Variants in SV2C observed in about 807,000 individuals in gnomAD.
SV2C encodes synaptic vesicle glycoprotein 2C, also known as solute carrier family 22 member B3.
A neutral mutation model predicts 79.7 loss-of-function variants in SV2C; 49 were observed. The observed-to-expected ratio is 0.61, with a 90% CI of 0.49 to 0.78. The LOEUF is 0.78. SV2C is among the 30% of genes least tolerant of loss of function. SV2C has a pLI of 0.00. For missense variants in SV2C, 833 were observed against 912.9 expected (o/e 0.91, Z 1.13); for synonymous variants, 334 against 333.2 (o/e 1.00, Z -0.03).
chr5:76,018,565 C>T, the SV2C span, among the ~76,000 whole-genome samples: 10 of 152,086 alleles, frequency 6.6e-5, no homozygotes, highest in Non-Finnish European at 1.0e-4. Context: ...AATTTTTAAA[C>T]CCAAATTTTA....
the SV2C span, among the ~76,000 whole-genome samples, chr5:75,876,497 A>G: frequency 7.2e-5 from 11 of 152,112 alleles, no homozygotes; most frequent in Non-Finnish European, 1.5e-5. Flanking sequence ...ATGATGAAAT[A>G]ATATGTATAA....
chr5:76,124,861 G>T (rs534160372), intron 1 of SV2C, among the ~76,000 whole-genome samples: 1 of 152,132 alleles, frequency 6.6e-6, no homozygotes, highest in Non-Finnish European at 1.5e-5. Context: ...AGCATGCTTT[G>T]GTTTTGTAAT....
intron 12 of SV2C, among the ~76,000 whole-genome samples, chr5:76,345,309 A>G (rs914408964): frequency 5.3e-5 from 8 of 152,214 alleles, no homozygotes; most frequent in African/African-American, 1.9e-4. Context: ...CTTATTCAAT[A>G]ATATTATTGA....
intron 3 of SV2C, among the ~76,000 whole-genome samples, chr5:76,202,477 A>T (rs2112341932): frequency 6.6e-6 from 1 of 152,328 alleles, no homozygotes; most frequent in African/African-American, 2.4e-5. Context: ...CATAACCATC[A>T]GGCTGTGCTG....
the SV2C span, among the ~76,000 whole-genome samples, chr5:75,996,068 A>G: frequency 6.6e-6 from 1 of 152,130 alleles, no homozygotes; most frequent in African/African-American, 2.4e-5. Context: ...TCTCCCCCAC[A>G]TTATCAAAGA....
the SV2C span, among the ~76,000 whole-genome samples, chr5:76,058,865 C>T: frequency 6.6e-6 from 1 of 151,968 alleles, no homozygotes; most frequent in African/African-American, 2.4e-5. Flanking sequence ...CAATACTTTA[C>T]TATGATCTTT....
chr5:76,053,118 A>AAAG, the SV2C span, among the ~76,000 whole-genome samples: 1 of 151,512 alleles, frequency 6.6e-6, no homozygotes, highest in African/African-American at 2.4e-5. Flanking sequence ...GGGCCAAAAA[A>AAAG]AAAAAAAGAG....
the SV2C span, among the ~76,000 whole-genome samples, chr5:75,938,571 T>G: frequency 7.2e-5 from 11 of 152,252 alleles, no homozygotes; most frequent in African/African-American, 2.4e-4. Context: ...ATGATTTCAT[T>G]TATATAAAGT....
the SV2C span, among the ~76,000 whole-genome samples, chr5:75,868,876 G>C: frequency 6.6e-6 from 1 of 152,248 alleles, no homozygotes; most frequent in East Asian, 1.9e-4. Context: ...AGCTTTCCCT[G>C]GTTCCCTGAC....
the SV2C span, among the ~76,000 whole-genome samples, chr5:76,032,380 A>G: frequency 6.6e-6 from 1 of 152,124 alleles, no homozygotes; most frequent in Non-Finnish European, 1.5e-5. Flanking sequence ...TATATCTCCC[A>G]ATGCTATCCC....
intron 4 of SV2C, among the ~76,000 whole-genome samples, chr5:76,245,078 A>T (rs1745903781): frequency 6.6e-6 from 1 of 152,164 alleles, no homozygotes; most frequent in Non-Finnish European, 1.5e-5. Flanking sequence ...AGTTCCCCTC[A>T]AGTGTAAGAT....
At chr5:76,142,968 A>G (rs566943214) in intron 2 of SV2C, among the ~76,000 whole-genome samples, 4 of 145,194 alleles carry the variant, frequency 2.8e-5, no homozygotes, top group Middle Eastern at 3.8e-3. Context: ...ATCTCGGCTC[A>G]CTACTGCAAC....
chr5:75,871,926 G>A, the SV2C span, among the ~76,000 whole-genome samples: 562 of 146,714 alleles, frequency 3.8e-3, 6 homozygotes, highest in African/African-American at 0.013. Context: ...CAATGTGCAG[G>A]TTAGTTACAT....
At chr5:76,226,965 G>C (rs77787863) in intron 4 of SV2C, among the ~76,000 whole-genome samples, 53,005 of 151,506 alleles carry the variant, frequency 0.35, 9,505 homozygotes, top group African/African-American at 0.41. Flanking sequence ...GAGTTCCAGG[G>C]ACCAGAGAGA....
the SV2C span, among the ~76,000 whole-genome samples, chr5:76,043,611 A>G: frequency 6.6e-6 from 1 of 152,186 alleles, no homozygotes; most frequent in African/African-American, 2.4e-5. Flanking sequence ...AAGTTAATGC[A>G]TATTTTGTTT....
intron 4 of SV2C, among the ~76,000 whole-genome samples, chr5:76,231,551 A>G (rs1440576376): frequency 6.7e-6 from 1 of 148,456 alleles, no homozygotes; most frequent in Non-Finnish European, 1.5e-5. Flanking sequence ...CTCGTCATCT[A>G]GCATTAGGTA....
At chr5:76,215,529 A>G (rs1193699210) in intron 4 of SV2C, among the ~76,000 whole-genome samples, 1 of 152,244 alleles carries the variant, frequency 6.6e-6, no homozygotes, top group Admixed American at 6.5e-5. Context: ...CTAAAAGTCT[A>G]TCCACTTTCC....
chr5:76,315,374 T>C (rs1296400508), intron 12 of SV2C, among the ~76,000 whole-genome samples: 1 of 152,188 alleles, frequency 6.6e-6, no homozygotes, highest in Non-Finnish European at 1.5e-5. Context: ...ATGACCCAAC[T>C]AATTTCCATT....
the SV2C span, among the ~76,000 whole-genome samples, chr5:76,067,668 A>G: frequency 6.6e-6 from 1 of 152,014 alleles, no homozygotes; most frequent in Non-Finnish European, 1.5e-5. Context: ...AAATCTATAC[A>G]TTGACTTTGG....
Sources: allele counts gnomAD v4.1 joint callset (sites outside exome capture counted in the v4.1 genomes callset), GRCh38; gene constraint gnomAD v4.1.1; transcripts MANE v1.5; gene names NCBI Gene and HGNC (gene_info 2026-07-23, HGNC 2026-07-21).